TDRD6: variants seen among roughly 807,000 people sequenced by gnomAD.
TDRD6 encodes the protein tudor domain containing 6, also known as tudor domain-containing protein 6.
A neutral mutation model predicts 157.5 loss-of-function variants in TDRD6; 186 were observed. That is an observed-to-expected ratio of 1.18 (90% CI 1.05 to 1.33). The LOEUF (loss-of-function observed/expected upper bound fraction) is 1.33. Among genes scored for constraint, TDRD6 ranks in the 40% most tolerant of loss-of-function variants. The pLI, the probability that TDRD6 is intolerant of heterozygous loss-of-function variation, is 0.00. For synonymous variants in TDRD6, 1,075 were observed against 945.2 expected (o/e 1.14, Z -2.52); for missense variants, 3,066 against 2,508.0 (o/e 1.22, Z -4.75).
In TDRD6 at chr6:46,693,485, A is replaced by G. The variant is rs1414328737; in HGVS notation, c.5357A>G (p.Asp1786Gly). The G allele has an allele frequency of 6.2e-7, 1 of 1,613,900 alleles. No homozygotes were observed. The highest frequency in any genetic ancestry group is 1.7e-5 in the Admixed American group (1 of 59,928). ...GAAGGGTTTGAAAACCCCTGCAAAG[A>G]TAAAATTGATACTGAGGAACTGGAA... is the stretch of plus-strand genomic sequence containing the variant. ...ICEGFENPCKDKIDTEELEGE... is the reference protein window; with the variant it reads ...ICEGFENPCKGKIDTEELEGE... The change falls in exon 1 of 4, where the codon GAT (aspartate) becomes GGT (glycine). Residue 1786 changes from aspartate to glycine, a missense_variant. Physicochemically the swap from Asp to Gly is moderately conservative, Grantham distance 94 (BLOSUM62 -1). Transcript: ENST00000316081.
Position 46,691,141 on chromosome 6 carries a change from C to A in TDRD6, c.3013C>A (p.Leu1005Met), listed in dbSNP as rs1219335221. 1 of 1,613,692 alleles carries A rather than the reference C, an allele frequency of 6.2e-7. No homozygotes were observed. Among genetic ancestry groups the A allele is most frequent in the East Asian group, 2.2e-5 (1 of 44,868 alleles). Residue 1005 changes from leucine to methionine, a missense_variant, in exon 1 of 4, where the codon CTG (leucine) becomes ATG (methionine). Physicochemically the swap from Leu to Met is conservative, Grantham distance 15. Coordinates refer to ENST00000316081, the MANE Select transcript of TDRD6 (RefSeq NM_001010870.3). Reference sequence around the variant, plus strand: ...TGACCCTTGGACATTTTATTGCCAGCTGGCAAGAAATGCAAATATTTTAGA... The same window carrying A: ...TGACCCTTGGACATTTTATTGCCAGATGGCAAGAAATGCAAATATTTTAGA... ...IDDPWTFYCQLARNANILEQL... is the reference protein window; with the variant it reads ...IDDPWTFYCQMARNANILEQL...
chr6:46,688,028 C>A lies in TDRD6; in HGVS notation c.-101C>A. ...TTCCCCTCCACTGGGTCCTTTGAAC[C>A]TAGTTTGGCTGGGACTCGCCTTCAG... On this transcript the variant is annotated 5_prime_UTR_variant, in exon 1 of 4. Transcript: ENST00000316081. 2.2e-6 allele frequency: 3 copies of A among 1,382,614 alleles called. No individual in the cohort carries two copies. Among genetic ancestry groups the A allele is most frequent in the Admixed American group, 7.1e-5 (2 of 28,316 alleles). 85.6% of individuals were successfully genotyped at this position (1,382,614 alleles called of 1,614,324 possible). A position where few individuals can be genotyped will look rare whatever the true frequency, so the allele number is the denominator to read the frequency against.
chr6:46,691,506 T>G lies in TDRD6; in HGVS notation c.3378T>G (p.Ala1126=). 1 of 1,614,070 alleles carries G rather than the reference T, an allele frequency of 6.2e-7. No homozygotes were observed. The highest frequency in any genetic ancestry group is 2.2e-5 in the East Asian group (1 of 44,854). ...QETILDKSLK[A]LVVAKDPDGT... ...CTATTTTAGATAAGTCATTGAAGGCTTTAGTTGTAGCAAAAGATCCAGATG... is the reference window on the plus strand; with the variant it reads ...CTATTTTAGATAAGTCATTGAAGGCGTTAGTTGTAGCAAAAGATCCAGATG... Residue 1126 remains alanine (A), a synonymous_variant, in exon 1 of 4, where the codon GCT becomes GCG. Transcript: ENST00000316081.
rs186035649 is a variant in TDRD6 at position 46,703,403 on chromosome 6, A to T, written c.*1516A>T. ...TTACTCATATAGATAATATAATGTG[A>T]ATTGCCAGAAGCAAAGCTCAGAGAA... On this transcript the variant is annotated 3_prime_UTR_variant, in exon 4 of 4. Coordinates refer to ENST00000316081, the MANE Select transcript of TDRD6 (RefSeq NM_001010870.3). The T allele has an allele frequency of 3.7e-4, 57 of 152,232 alleles. No homozygotes were observed. Among genetic ancestry groups the T allele is most frequent in the Admixed American group, 2.8e-3 (43 of 15,262 alleles). The allele number at this position is 152,232 out of a possible 1,614,324, so 9.4% of individuals were successfully genotyped here.
rs1764387966 is a variant in TDRD6, at chr6:46,693,077, G to A, written c.4949G>A (p.Gly1650Glu). 1 of 1,613,788 alleles carries A rather than the reference G, an allele frequency of 6.2e-7. No homozygotes were observed. Among genetic ancestry groups the A allele is most frequent in the Non-Finnish European group, 8.5e-7 (1 of 1,179,980 alleles). ...TCAGAAGGATTATGTTCTCAAGAGG[G>A]AAATGACTATTTCTATGAAATAATA... is the stretch of plus-strand genomic sequence containing the variant. ...NISEGLCSQE[G>E]NDYFYEIITE... The change falls in exon 1 of 4, where the codon GGA becomes GAA. Residue 1650 changes from glycine (G) to glutamate (E), a missense_variant. Transcript: ENST00000316081.
Position 46,693,982 on chromosome 6 carries a change from C to G in TDRD6, c.5854C>G (p.Gln1952Glu), listed in dbSNP as rs138138658. 655 of 1,613,538 alleles carry G rather than the reference C, an allele frequency of 4.1e-4. No individual in the cohort carries two copies. The highest frequency in any genetic ancestry group is 5.2e-4 in the Non-Finnish European group (613 of 1,179,872). ...KSSCVESFDD[Q>E]RRMSLHLHGA... is the part of the protein sequence containing the mutation. ...AAGTTGTGTAGAATCTTTTGATGAC[C>G]AGCGCAGGATGTCATTGCATCTACA... Residue 1952 changes from glutamine (Q) to glutamate (E), a missense_variant, in exon 1 of 4, where the codon CAG becomes GAG. Gln to Glu is a conservative substitution (Grantham distance 29). Coordinates refer to ENST00000316081, the MANE Select transcript of TDRD6 (RefSeq NM_001010870.3).
intron 2 of TDRD6, among the ~76,000 whole-genome samples, chr6:46,696,387 A>T (rs1764494450): frequency 6.7e-6 from 1 of 149,870 alleles, no homozygotes; most frequent in South Asian, 2.1e-4. Flanking sequence ...AAAACTTATT[A>T]GGGAGCCTGT....
Position 46,688,046 on chromosome 6 carries a change from G to A in TDRD6, c.-83G>A. The A allele has an allele frequency of 7.2e-7, 1 of 1,390,448 alleles. No individual in the cohort carries two copies. Among genetic ancestry groups the A allele is most frequent in the Non-Finnish European group, 9.3e-7 (1 of 1,080,468 alleles). The allele number at this position is 1,390,448 out of a possible 1,614,324, so 86.1% of individuals were successfully genotyped here. A position where few individuals can be genotyped will look rare whatever the true frequency, so the allele number is the denominator to read the frequency against. ...TTTGAACCTAGTTTGGCTGGGACTC[G>A]CCTTCAGGCGGCGCGGAGGATTTCG... On this transcript the variant is annotated 5_prime_UTR_variant, in exon 1 of 4. Transcript: ENST00000316081.
the TDRD6 span, among the ~76,000 whole-genome samples, chr6:46,682,322 T>G: frequency 6.6e-6 from 1 of 152,116 alleles, no homozygotes; most frequent in African/African-American, 2.4e-5. Context: ...AATTCTCAAA[T>G]TTTTACATGA....
chr6:46,696,946 G>T (rs1484557370), intron 2 of TDRD6, among the ~76,000 whole-genome samples: 1 of 151,724 alleles, frequency 6.6e-6, no homozygotes, highest in Non-Finnish European at 1.5e-5. Flanking sequence ...CTACGCCTTG[G>T]CCTGGACTGC....
chr6:46,694,207 T>C (rs779798318), intron 1 of TDRD6, 33 bp downstream of exon 1: 2 of 1,434,668 alleles, frequency 1.4e-6, no homozygotes, highest in East Asian at 2.3e-5. Flanking sequence ...TTACTTTTTT[T>C]TTTTTTTTTT....
chr6:46,692,552 G>T lies in TDRD6; in HGVS notation c.4424G>T (p.Ser1475Ile). 1 of 1,613,846 alleles carries T rather than the reference G, an allele frequency of 6.2e-7. No individual in the cohort carries two copies. The highest frequency in any genetic ancestry group is 8.5e-7 in the Non-Finnish European group (1 of 1,180,016). Residue 1475 changes from serine to isoleucine, a missense_variant, in exon 1 of 4, where the codon AGC (serine) becomes ATC (isoleucine). Coordinates refer to ENST00000316081, the MANE Select transcript of TDRD6 (RefSeq NM_001010870.3). Reference sequence around the variant, plus strand: ...GGGATCATAGCAGATGATATGATTAGCAGGTATGCTCTCAGTGAAAAATCT... The same window carrying T: ...GGGATCATAGCAGATGATATGATTATCAGGTATGCTCTCAGTGAAAAATCT... ...EHGIIADDMI[S>I]RYALSEKSQV...
rs1764647047 is a variant in TDRD6 at position 46,702,413 on chromosome 6, A to T, written c.*526A>T. The T allele has an allele frequency of 6.6e-6, 1 of 152,186 alleles. No homozygotes were observed. Among genetic ancestry groups the T allele is most frequent in the Non-Finnish European group, 1.5e-5 (1 of 68,018 alleles). The allele number at this position is 152,186 out of a possible 1,614,324, so 9.4% of individuals were successfully genotyped here. ...ATTTGAATAAAGTTTATCCTTAAAT[A>T]AAGTTTATCCTTAATATGATGGTCT... On this transcript the variant is annotated 3_prime_UTR_variant, in exon 4 of 4. Transcript: ENST00000316081.
rs1764282888 is a variant in TDRD6 at position 46,690,640 on chromosome 6, A to T, written c.2512A>T (p.Ile838Phe). ...AAACAGACAGTGGTCCAGAGCACTT[A>T]TTAGTGGGATACAGTCTGTGGAGCA... ...TVNRQWSRAL[I>F]SGIQSVEHVN... is the part of the protein sequence containing the mutation. Residue 838 changes from isoleucine to phenylalanine, a missense_variant, in exon 1 of 4, where the codon ATT becomes TTT. By Grantham distance (21) the Ile-to-Phe change is conservative. Coordinates refer to ENST00000316081, the MANE Select transcript of TDRD6 (RefSeq NM_001010870.3). 1.2e-6 allele frequency: 2 copies of T among 1,614,100 alleles called. No individual in the cohort carries two copies. The highest frequency in any genetic ancestry group is 2.7e-5 in the African/African-American group (2 of 74,940).
rs1260159414 is a variant in TDRD6 at position 46,688,458 on chromosome 6, C to T, written c.330C>T (p.Gly110=). 2 of 1,543,636 alleles carry T rather than the reference C, an allele frequency of 1.3e-6. No homozygotes were observed. The highest frequency in any genetic ancestry group is 1.2e-5 in the South Asian group (1 of 84,376). The change falls in exon 1 of 4, where the codon GGC becomes GGT. Residue 110 remains glycine, a synonymous_variant. Transcript: ENST00000316081. Reference sequence around the variant, plus strand: ...GCCGCACCATCACGGCCGGAGCAGGCTCGCTGGCGCCTGGGCGCAGAGAGT... The same window carrying T: ...GCCGCACCATCACGGCCGGAGCAGGTTCGCTGGCGCCTGGGCGCAGAGAGT... The part of the protein sequence containing the change: ...DEGRTITAGA[G]SLAPGRREFF...
Position 46,689,712 on chromosome 6 carries a change from T to A in TDRD6, c.1584T>A (p.Ser528Arg). Residue 528 changes from serine (S) to arginine (R), a missense_variant, in exon 1 of 4, where the codon AGT (serine) becomes AGA (arginine). By Grantham distance (110) the Ser-to-Arg change is moderately radical (BLOSUM62 -1). Transcript: ENST00000316081. ...TGTGTGGTTTCTATTCCTCTGCCAG[T>A]AAGCTGGATGGTGTAGTTTTGAAAC... ...RRMCGFYSSA[S>R]KLDGVVLKPE... The A allele has an allele frequency of 1.9e-6, 3 of 1,614,234 alleles. No homozygotes were observed. The highest frequency in any genetic ancestry group is 4.5e-5 in the East Asian group (2 of 44,892).
the TDRD6 span, among the ~76,000 whole-genome samples, chr6:46,681,162 CTCT>C: frequency 6.6e-6 from 1 of 152,246 alleles, no homozygotes; most frequent in East Asian, 1.9e-4. Context: ...TCATTTTGTT[CTCT>C]TCTTCAGAAT....
chr6:46,688,033 T>G lies in TDRD6; in HGVS notation c.-96T>G. On this transcript the variant is annotated 5_prime_UTR_variant, in exon 1 of 4. Coordinates refer to ENST00000316081, the MANE Select transcript of TDRD6 (RefSeq NM_001010870.3). ...CTCCACTGGGTCCTTTGAACCTAGT[T>G]TGGCTGGGACTCGCCTTCAGGCGGC... 7.2e-7 allele frequency: 1 copy of G among 1,384,596 alleles called. No homozygotes were observed. Among genetic ancestry groups the G allele is most frequent in the East Asian group, 3.0e-5 (1 of 33,516 alleles). The allele number at this position is 1,384,596 out of a possible 1,614,324, so 85.8% of individuals were successfully genotyped here.
chr6:46,686,176 C>T (rs748009336), upstream of TDRD6, among the ~76,000 whole-genome samples: 1 of 152,116 alleles, frequency 6.6e-6, no homozygotes, highest in Non-Finnish European at 1.5e-5. Flanking sequence ...CTGTGGTCTA[C>T]AAAGGAGTTT....
Sources: allele counts gnomAD v4.1 joint callset (sites outside exome capture counted in the v4.1 genomes callset), GRCh38; gene constraint gnomAD v4.1.1; transcripts MANE v1.5; gene names NCBI Gene and HGNC (gene_info 2026-07-23, HGNC 2026-07-21).